Variants in DAP3 observed in about 807,000 individuals in gnomAD.
DAP3 encodes small ribosomal subunit protein mS29.
A neutral mutation model predicts 51.9 loss-of-function variants in DAP3; 28 were observed. That is an observed-to-expected ratio of 0.54 (90% confidence interval 0.40 to 0.74). The LOEUF is 0.74. DAP3 is among the 30% of genes least tolerant of loss of function. DAP3 has a pLI of 0.00. For missense variants in DAP3, 458 were observed against 483.5 expected (o/e 0.95, Z 0.49); for synonymous variants, 170 against 170.3 (o/e 1.00, Z 0.01).
At chr1:155,731,191 C>G (rs1169232505) in intron 9 of DAP3, among the ~76,000 whole-genome samples, 165 bp from the exon 10 acceptor site, 1 of 151,712 alleles carries the variant, frequency 6.6e-6, no homozygotes, top group African/African-American at 2.4e-5. Flanking sequence ...CGCTTGAACC[C>G]AGGAGGTGGA....
intron 9 of DAP3, 31 bp downstream of exon 9, chr1:155,729,397 C>G: frequency 6.2e-7 from 1 of 1,608,872 alleles, no homozygotes. Flanking sequence ...TATCTTGTTT[C>G]TCTGATTTCT....
chr1:155,728,048 C>G (rs947046229), intron 7 of DAP3, among the ~76,000 whole-genome samples: 41 of 151,904 alleles, frequency 2.7e-4, no homozygotes, highest in Non-Finnish European at 2.5e-4. Context: ...TTTCTCCAGA[C>G]AATATCTTTT....
intron 11 of DAP3, among the ~76,000 whole-genome samples, chr1:155,735,492 G>A (rs538188177): frequency 5.3e-5 from 8 of 151,678 alleles, no homozygotes; most frequent in East Asian, 2.0e-4. Context: ...CAGGAGAATC[G>A]CTTGAACCCA....
chr1:155,699,517 C>T (rs1654923943), intron 1 of DAP3, among the ~76,000 whole-genome samples: 1 of 152,168 alleles, frequency 6.6e-6, no homozygotes, highest in Admixed American at 6.6e-5. Context: ...AGCCTTTTTC[C>T]CAACGCTTAA....
At chr1:155,702,527 C>T (rs1305138276) in intron 1 of DAP3, among the ~76,000 whole-genome samples, 3 of 151,950 alleles carry the variant, frequency 2.0e-5, no homozygotes, top group African/African-American at 7.3e-5. Flanking sequence ...TCTTGGAGCT[C>T]TTATGAGTAC....
chr1:155,700,535 C>A (rs1163249238), intron 1 of DAP3, among the ~76,000 whole-genome samples: 2 of 151,182 alleles, frequency 1.3e-5, no homozygotes, highest in Admixed American at 6.6e-5. Context: ...GTCAGCCCCC[C>A]GCCCGGCCAG....
At chr1:155,719,693 G>A (rs1405402312) in intron 3 of DAP3, among the ~76,000 whole-genome samples, 1 of 151,590 alleles carries the variant, frequency 6.6e-6, no homozygotes. Context: ...GATTACAGGC[G>A]CCTGCCACCG....
chr1:155,700,466 T>G (rs1329667647), intron 1 of DAP3, among the ~76,000 whole-genome samples: 1 of 152,180 alleles, frequency 6.6e-6, no homozygotes, highest in Non-Finnish European at 1.5e-5. Context: ...TAACACATGA[T>G]AATGAAGATT....
At chr1:155,733,329 A>G (rs1413506611) in intron 11 of DAP3, among the ~76,000 whole-genome samples, 2 of 152,184 alleles carry the variant, frequency 1.3e-5, no homozygotes, top group African/African-American at 4.8e-5. Context: ...CTTTGGAATT[A>G]ATATGTATGT....
chr1:155,738,060 G>A (rs948779200), intron 12 of DAP3, 97 bp from the exon 13 acceptor site: 50 of 1,162,154 alleles, frequency 4.3e-5, no homozygotes, highest in African/African-American at 1.4e-4. Context: ...ACCTCAGAAC[G>A]TAATTTGGAT....
At chr1:155,696,148 G>C in intron 1 of DAP3, among the ~76,000 whole-genome samples, 1 of 152,052 alleles carries the variant, frequency 6.6e-6, no homozygotes, top group East Asian at 1.9e-4. Context: ...GTGTTTTCAT[G>C]GTATTATATG....
chr1:155,722,672 G>A (rs1327858948), intron 4 of DAP3, among the ~76,000 whole-genome samples: 1 of 151,988 alleles, frequency 6.6e-6, no homozygotes, highest in East Asian at 1.9e-4. Flanking sequence ...AAAACATTTA[G>A]TCATGTGTGG....
At chr1:155,701,027 C>T (rs1366250273) in intron 1 of DAP3, among the ~76,000 whole-genome samples, 36 of 130,394 alleles carry the variant, frequency 2.8e-4, no homozygotes, top group Admixed American at 2.6e-3. Context: ...CCCGCCCGGC[C>T]AGCCGCCCCC....
intron 11 of DAP3, chr1:155,736,734 A>G: frequency 1.9e-6 from 1 of 537,390 alleles, no homozygotes; most frequent in Non-Finnish European, 3.3e-6. Flanking sequence ...TTTAATATAT[A>G]GCATTTGTGG....
chr1:155,697,524 C>T (rs1654687464), intron 1 of DAP3, among the ~76,000 whole-genome samples: 1 of 152,092 alleles, frequency 6.6e-6, no homozygotes. Context: ...TTCCATGATG[C>T]CCCTGAGCCG....
chr1:155,702,236 G>A (rs683121), intron 1 of DAP3, among the ~76,000 whole-genome samples: 13,594 of 151,250 alleles, frequency 0.09, 2,169 homozygotes, highest in African/African-American at 0.31. Context: ...TTGGGAGGCC[G>A]AGGCAGGTGG....
chr1:155,732,233 CTT>C (rs202209826), intron 11 of DAP3, 200 bp downstream of exon 11: 1,237 of 274,208 alleles, frequency 4.5e-3, no homozygotes, highest in South Asian at 8.6e-3. Flanking sequence ...AGTTTCTTTT[CTT>C]TTTTTTTTTT....
chr1:155,724,663 A>T (rs1221890494), intron 4 of DAP3, among the ~76,000 whole-genome samples: 1 of 150,750 alleles, frequency 6.6e-6, no homozygotes, highest in Non-Finnish European at 1.5e-5. Flanking sequence ...AATCAACTAA[A>T]AATAAATTTT....
chr1:155,688,475 C>G, upstream of DAP3: 1 of 1,549,772 alleles, frequency 6.5e-7, no homozygotes, highest in East Asian at 2.4e-5. Context: ...GTAGCGCGCA[C>G]GTCAGCCCGC....
Sources: allele counts gnomAD v4.1 joint callset (sites outside exome capture counted in the v4.1 genomes callset), GRCh38; gene constraint gnomAD v4.1.1; transcripts MANE v1.5; gene names NCBI Gene and HGNC (gene_info 2026-07-23, HGNC 2026-07-21).